LRRC69: variants seen among roughly 807,000 people sequenced by gnomAD.
LRRC69 encodes leucine rich repeat containing 69.
In LRRC69, 42 loss-of-function variants were observed where a neutral mutation model predicts 37.8. That is an observed-to-expected ratio of 1.11 (90% confidence interval 0.87 to 1.44). LRRC69 has a LOEUF of 1.44. LRRC69 is among the 40% of genes most tolerant of loss of function. LRRC69 has a pLI of 0.00. For synonymous variants in LRRC69, 141 were observed against 143.1 expected, an observed-to-expected ratio of 0.99 and a Z score of 0.11; for missense variants, 357 against 401.9, an observed-to-expected ratio of 0.89 and a Z score of 0.96.
intron 1 of LRRC69, among the ~76,000 whole-genome samples, chr8:91,113,825 A>G (rs1813454220): frequency 6.6e-6 from 1 of 151,768 alleles, no homozygotes; most frequent in African/African-American, 2.4e-5. Flanking sequence ...TGGTTAAAAT[A>G]CAAAATATAT....
At chr8:91,199,273 C>T (rs1809673697) in intron 6 of LRRC69, among the ~76,000 whole-genome samples, 1 of 152,128 alleles carries the variant, frequency 6.6e-6, no homozygotes, top group African/African-American at 2.4e-5. Context: ...TTTAGGCACC[C>T]TTGTAATATT....
intron 6 of LRRC69, among the ~76,000 whole-genome samples, chr8:91,193,024 A>G (rs1052421976): frequency 4.6e-5 from 7 of 151,318 alleles, no homozygotes; most frequent in Non-Finnish European, 8.8e-5. Flanking sequence ...TGATTTTTGT[A>G]TAAGGTGTAA....
chr8:91,212,408 C>G (rs1239710790), intron 7 of LRRC69, among the ~76,000 whole-genome samples: 2 of 152,004 alleles, frequency 1.3e-5, no homozygotes, highest in African/African-American at 4.8e-5. Context: ...AACTCTCAAC[C>G]CTGTATTAAA....
chr8:91,169,265 G>A (rs1248262002), intron 5 of LRRC69, among the ~76,000 whole-genome samples: 1 of 151,844 alleles, frequency 6.6e-6, no homozygotes, highest in African/African-American at 2.4e-5. Context: ...GGTAGAAAGT[G>A]GGAGGAGGGA....
intron 7 of LRRC69, among the ~76,000 whole-genome samples, chr8:91,207,539 C>T (rs963808247): frequency 6.6e-6 from 1 of 152,110 alleles, no homozygotes; most frequent in Non-Finnish European, 1.5e-5. Context: ...TGGTGCCTAC[C>T]ACAGTGATTG....
intron 5 of LRRC69, among the ~76,000 whole-genome samples, chr8:91,175,958 T>C (rs7002093): frequency 0.68 from 101,770 of 150,554 alleles, 34,888 homozygotes; most frequent in African/African-American, 0.74. Flanking sequence ...ACTGAATCTT[T>C]TCTTTTCTTT....
At chr8:91,202,742 A>G (rs1422347357) in intron 7 of LRRC69, among the ~76,000 whole-genome samples, 2 of 152,240 alleles carry the variant, frequency 1.3e-5, no homozygotes, top group Admixed American at 6.5e-5. Context: ...TTTGGCTTCT[A>G]TTTAATATGT....
Position 91,140,903 on chromosome 8 carries a change from TCGGCC to T in LRRC69, c.651+5165_651+5169del, listed in dbSNP as rs1808520683. ...CTCCTGACCTCGTGATCCGCCCGCC[TCGGCC>T]TCCCAAAGTGCTGGGATTACAGGCG... On this transcript the variant is annotated intron_variant, in intron 5 of 7. Transcript: ENST00000448384. Among the ~76,000 whole-genome samples, 8 of 19,360 alleles carry T rather than the reference TCGGCC, an allele frequency of 4.1e-4. 1 individual carries two copies. The highest frequency in any genetic ancestry group is 7.3e-4 in the Non-Finnish European group (5 of 6,896). 12.7% of individuals were successfully genotyped at this position (19,360 alleles called of 152,430 possible).
intron 1 of LRRC69, among the ~76,000 whole-genome samples, chr8:91,116,230 A>T (rs1249715730): frequency 6.6e-6 from 1 of 151,998 alleles, no homozygotes; most frequent in East Asian, 1.9e-4. Flanking sequence ...AAAGATTACC[A>T]TTTAATAATA....
chr8:91,198,194 A>G (rs10103907), intron 6 of LRRC69, among the ~76,000 whole-genome samples: 2,962 of 152,276 alleles, frequency 0.019, 39 homozygotes, highest in Non-Finnish European at 0.03. Context: ...TATTAGCGGG[A>G]ATATACTGCA....
chr8:91,122,382 C>T (rs922548992), intron 1 of LRRC69, among the ~76,000 whole-genome samples: 1 of 151,918 alleles, frequency 6.6e-6, no homozygotes, highest in Non-Finnish European at 1.5e-5. Context: ...ATGGTTACTG[C>T]CCATCATAAA....
At chr8:91,198,947 A>T (rs915279405) in intron 6 of LRRC69, among the ~76,000 whole-genome samples, 1 of 152,222 alleles carries the variant, frequency 6.6e-6, no homozygotes, top group Non-Finnish European at 1.5e-5. Context: ...AAGTAAAAGA[A>T]AAATATAAAT....
chr8:91,151,237 C>T (rs1445770047), intron 5 of LRRC69, among the ~76,000 whole-genome samples: 1 of 149,548 alleles, frequency 6.7e-6, no homozygotes, highest in Non-Finnish European at 1.5e-5. Flanking sequence ...CTATAAATTT[C>T]CCTCTACACA....
chr8:91,184,656 T>C (rs1009209224), intron 5 of LRRC69, among the ~76,000 whole-genome samples: 1 of 152,206 alleles, frequency 6.6e-6, no homozygotes, highest in Non-Finnish European at 1.5e-5. Context: ...CTTCTGGTTA[T>C]TGAATCTTTG....
intron 6 of LRRC69, among the ~76,000 whole-genome samples, chr8:91,197,377 G>C (rs1430278360): frequency 4.6e-5 from 7 of 152,318 alleles, no homozygotes; most frequent in Middle Eastern, 3.4e-3. Context: ...CACCCAGTTC[G>C]AGCTTCCCCG....
In LRRC69 at chr8:91,153,863, C is replaced by T. The variant is rs188647708; in HGVS notation, c.651+18124C>T. ...GGAGAAGACAGGAAATAACTAAGAT[C>T]AGAGCAGAACTGAAGGAGATAGAGA... On this transcript the variant is annotated intron_variant, in intron 5 of 7. Coordinates refer to ENST00000448384, the Ensembl canonical transcript of LRRC69. 2.6e-5 allele frequency among the ~76,000 whole-genome samples: 4 copies of T among 151,802 alleles called. No homozygotes were observed. In the East Asian group the frequency reaches 7.7e-4, roughly 29 times the overall value.
chr8:91,168,287 C>T (rs1038882424), intron 5 of LRRC69, among the ~76,000 whole-genome samples: 1 of 151,686 alleles, frequency 6.6e-6, no homozygotes, highest in African/African-American at 2.4e-5. Context: ...ACTGAGGGGC[C>T]GAAAGATGAC....
chr8:91,175,930 T>G (rs1809216263), intron 5 of LRRC69, among the ~76,000 whole-genome samples: 1 of 151,560 alleles, frequency 6.6e-6, no homozygotes. Context: ...TCTTCTCCAG[T>G]GTAACAATAT....
intron 7 of LRRC69, among the ~76,000 whole-genome samples, chr8:91,215,520 A>C (rs1220728847): frequency 6.6e-6 from 1 of 152,198 alleles, no homozygotes; most frequent in Non-Finnish European, 1.5e-5. Flanking sequence ...TTTTTAAAAA[A>C]CACGTAGAGA....
Sources: allele counts gnomAD v4.1 joint callset (sites outside exome capture counted in the v4.1 genomes callset), GRCh38; gene constraint gnomAD v4.1.1; transcripts MANE v1.5; gene names NCBI Gene and HGNC (gene_info 2026-07-23, HGNC 2026-07-21).